The following KLHL11 variants were observed in gnomAD, a reference collection of about 807,000 sequenced individuals.
KLHL11 encodes kelch like family member 11.
KLHL11 carries 26 observed loss-of-function variants against 56.1 expected under a neutral mutation model. The observed-to-expected ratio is 0.46, with a 90% CI of 0.34 to 0.64. The LOEUF is 0.64. Ranked by LOEUF, KLHL11 falls within the 30% of genes least tolerant of loss-of-function variation. KLHL11 has a pLI of 0.01. For synonymous variants in KLHL11, 338 were observed against 345.8 expected (o/e 0.98, Z 0.25); for missense variants, 627 against 919.4 (o/e 0.68, Z 4.11).
intron 1 of KLHL11, among the ~76,000 whole-genome samples, chr17:41,862,497 G>C (rs1478819018): frequency 6.6e-6 from 1 of 150,504 alleles, no homozygotes; most frequent in Non-Finnish European, 1.5e-5. Flanking sequence ...AGCTAGGATA[G>C]TCTCGATCTC....
rs1282483974 is a variant in KLHL11, at chr17:41,863,402, G to A, written c.545+1424C>T. Among the ~76,000 whole-genome samples, 2 of 151,936 alleles carry A rather than the reference G, an allele frequency of 1.3e-5. 1 individual carries two copies. The highest frequency in any genetic ancestry group is 4.2e-4 in the South Asian group (2 of 4,816). ...GTAGAGACAGGGGTTTCACAATGTT[G>A]GCCAGGCTGGTCTCGAACTCCTGAC... On this transcript the variant is annotated intron_variant, in intron 1 of 1. Transcript: ENST00000319121.
At chr17:41,856,413 G>T (rs1192664079) in intron 1 of KLHL11, among the ~76,000 whole-genome samples, 2 of 152,058 alleles carry the variant, frequency 1.3e-5, no homozygotes, top group Non-Finnish European at 2.9e-5. Context: ...AAGTGTTTGG[G>T]ATTACAGGTG....
chr17:41,862,416 G>A (rs1180291627), intron 1 of KLHL11, among the ~76,000 whole-genome samples: 3 of 150,304 alleles, frequency 2.0e-5, no homozygotes, highest in Non-Finnish European at 4.4e-5. Flanking sequence ...GGGACTACAG[G>A]CACCCGCCAC....
intron 1 of KLHL11, among the ~76,000 whole-genome samples, chr17:41,857,150 C>A (rs750692452): frequency 7.2e-5 from 11 of 151,840 alleles, no homozygotes; most frequent in Non-Finnish European, 7.4e-5. Context: ...AAGCTATAAT[C>A]GTGCCTGTGA....
In KLHL11 at chr17:41,852,867, C is replaced by A. The variant is rs998240793; in HGVS notation, c.*873G>T. ...AATTAAAATGGAAGGCATTGAGTGT[C>A]GATTGTCATAGGCATTATTTACACT... On this transcript the variant is annotated 3_prime_UTR_variant, in exon 2 of 2. Coordinates refer to ENST00000319121, the MANE Select transcript of KLHL11 (RefSeq NM_018143.3). Among the ~76,000 whole-genome samples, 5 of 151,736 alleles carry A rather than the reference C, an allele frequency of 3.3e-5. No homozygotes were observed. Among genetic ancestry groups the A allele is most frequent in the Non-Finnish European group, 5.9e-5 (4 of 67,980 alleles).
chr17:41,858,414 G>T (rs1428299762), intron 1 of KLHL11, among the ~76,000 whole-genome samples: 9 of 103,008 alleles, frequency 8.7e-5, no homozygotes, highest in African/African-American at 2.6e-4. Context: ...ATTTTTTGTT[G>T]TTGTTGTTGT....
At chr17:41,861,818 C>T (rs2048405285) in intron 1 of KLHL11, among the ~76,000 whole-genome samples, 7 of 152,094 alleles carry the variant, frequency 4.6e-5, no homozygotes, top group Admixed American at 3.9e-4. Flanking sequence ...CAATTATTCC[C>T]CTGCTCCTGT....
At position 41,855,236 on chromosome 17, in the gene KLHL11, A is replaced by G; in HGVS notation, c.631T>C (p.Leu211=). The change falls in exon 2 of 2, where the codon TTA becomes CTA. Residue 211 remains leucine (L), a synonymous_variant. Coordinates refer to ENST00000319121, the MANE Select transcript of KLHL11 (RefSeq NM_018143.3). ...HLSNCVAIHS[L]AHMYTLSQLA... is the part of the protein sequence containing the mutation. ...TGGCTCAGGGTGTACATGTGTGCTA[A>G]GCTATGAATTGCCACACAATTTGAG... is the stretch of plus-strand genomic sequence containing the variant. 6.2e-7 allele frequency: 1 copy of G among 1,612,698 alleles called. No individual in the cohort carries two copies. Among genetic ancestry groups the G allele is most frequent in the Admixed American group, 1.7e-5 (1 of 59,860 alleles).
Position 41,864,877 on chromosome 17 carries a change from C to A in KLHL11, c.494G>T (p.Arg165Leu). 1 of 1,576,900 alleles carries A rather than the reference C, an allele frequency of 6.3e-7. No homozygotes were observed. The highest frequency in any genetic ancestry group is 8.6e-7 in the Non-Finnish European group (1 of 1,159,520). ...EAVIEYMYTG[R>L]IRVSTGSVHE... ...CACGCTGCCCGTGCTGACGCGGATG[C>A]GCCCGGTGTACATGTACTCGATTAC... Residue 165 changes from arginine (R) to leucine (L), a missense_variant, in exon 1 of 2, where the codon CGC becomes CTC. Around this residue, in one of 4 missense-constraint regions of KLHL11, gnomAD observed 150 missense variants for 215.7 expected, o/e 0.70. Transcript: ENST00000319121.
In KLHL11 at chr17:41,854,930, C is replaced by A. The variant is rs951556396; in HGVS notation, c.937G>T (p.Ala313Ser). The change falls in exon 2 of 2, where the codon GCC becomes TCC. Residue 313 changes from alanine (A) to serine (S), a missense_variant. Ala to Ser is a moderately conservative substitution (Grantham distance 99). This residue lies in a region of KLHL11 where 106 missense variants were observed against 227.0 expected (regional missense o/e 0.47). Coordinates refer to ENST00000319121, the MANE Select transcript of KLHL11 (RefSeq NM_018143.3). The surrounding 1 kb of genome is among the most constrained non-coding windows in gnomAD (Gnocchi z 4.9). ...TRHVKPERLV[A>S]NNEVCVKLVA... ...AACTTGACACAAACTTCATTATTGG[C>A]TACCAGCCTCTCTGGTTTGACATGT... The A allele has an allele frequency of 3.7e-6, 6 of 1,614,252 alleles. No individual in the cohort carries two copies. Among genetic ancestry groups the A allele is most frequent in the Non-Finnish European group, 5.1e-6 (6 of 1,180,048 alleles).
rs1485564941 is a variant in KLHL11 at position 41,852,259 on chromosome 17, C to T, written c.*1481G>A. 6.6e-6 allele frequency among the ~76,000 whole-genome samples: 1 copy of T among 151,916 alleles called. No individual in the cohort carries two copies. Among genetic ancestry groups the T allele is most frequent in the Non-Finnish European group, 1.5e-5 (1 of 67,986 alleles). On this transcript the variant is annotated 3_prime_UTR_variant, in exon 2 of 2. Transcript: ENST00000319121. ...CTTGAACTCTTGGGCTCAAAATCTG[C>T]CCACCTCAGCCTCCTCCAAAGTGTT...
intron 1 of KLHL11, among the ~76,000 whole-genome samples, chr17:41,857,454 C>G (rs1387173788): frequency 6.6e-6 from 1 of 151,062 alleles, no homozygotes; most frequent in Non-Finnish European, 1.5e-5. Context: ...TTGCAGTGAG[C>G]CAGGATCGCA....
rs781841835 is a variant in KLHL11, at chr17:41,854,642, C to T, written c.1225G>A (p.Val409Met). ...GHAVAVTESYVYVAGSMEPGF... is the reference protein window; with the variant it reads ...GHAVAVTESYMYVAGSMEPGF... Reference sequence around the variant, plus strand: ...GGCTCCATTGATCCAGCAACATACACGTAGGATTCTGTTACTGCAACAGCA... The same window carrying T: ...GGCTCCATTGATCCAGCAACATACATGTAGGATTCTGTTACTGCAACAGCA... The change falls in exon 2 of 2, where the codon GTG (valine) becomes ATG (methionine). Residue 409 changes from valine to methionine, a missense_variant. By Grantham distance (21) the Val-to-Met change is conservative. Transcript: ENST00000319121. The surrounding 1 kb of genome is among the most constrained non-coding windows in gnomAD (Gnocchi z 4.9). The T allele has an allele frequency of 3.1e-6, 5 of 1,614,154 alleles. No individual in the cohort carries two copies. Among genetic ancestry groups the T allele is most frequent in the Admixed American group, 1.7e-5 (1 of 60,022 alleles).
In KLHL11 at chr17:41,852,487, T is replaced by A. The variant is rs1462060491; in HGVS notation, c.*1253A>T. ...TCCTTCCCATTTTGGAAAAAAACAGTTTCTTGTAGAAAAGAATAATGGACT... is the reference window on the plus strand; with the variant it reads ...TCCTTCCCATTTTGGAAAAAAACAGATTCTTGTAGAAAAGAATAATGGACT... On this transcript the variant is annotated 3_prime_UTR_variant, in exon 2 of 2. Coordinates refer to ENST00000319121, the MANE Select transcript of KLHL11 (RefSeq NM_018143.3). Among the ~76,000 whole-genome samples, 1 of 151,950 alleles carries A rather than the reference T, an allele frequency of 6.6e-6. No individual in the cohort carries two copies. Among genetic ancestry groups the A allele is most frequent in the Non-Finnish European group, 1.5e-5 (1 of 67,980 alleles).
chr17:41,853,646 A>T lies in KLHL11; in HGVS notation c.*94T>A. On this transcript the variant is annotated 3_prime_UTR_variant, in exon 2 of 2. Transcript: ENST00000319121. ...GGGTAATAATCAGTTCATGTAGAAA[A>T]TAAGTTATCGACATACTTTTTTAAA... 1 of 1,427,918 alleles carries T rather than the reference A, an allele frequency of 7.0e-7. No homozygotes were observed. Among genetic ancestry groups the T allele is most frequent in the Non-Finnish European group, 9.4e-7 (1 of 1,063,956 alleles). 88.5% of individuals were successfully genotyped at this position (1,427,918 alleles called of 1,614,324 possible).
chr17:41,864,990 C>T lies in KLHL11; in HGVS notation c.381G>A (p.Ser127=), dbSNP rs1555623392. ...CCGAGCGGGACTCGGAAAACTGGCC[C>T]GAGAGCAGGGGCGTGAAGTACTCGG... ...AATEYFTPLL[S]GQFSESRSGR... Residue 127 remains serine (S), a synonymous_variant, in exon 1 of 2, where the codon TCG becomes TCA. Coordinates refer to ENST00000319121, the MANE Select transcript of KLHL11 (RefSeq NM_018143.3). 7.5e-6 allele frequency: 12 copies of T among 1,609,458 alleles called. No individual in the cohort carries two copies. Among genetic ancestry groups the T allele is most frequent in the East Asian group, 2.2e-5 (1 of 44,714 alleles).
chr17:41,859,608 GC>G (rs1367859477), intron 1 of KLHL11, among the ~76,000 whole-genome samples: 1 of 151,940 alleles, frequency 6.6e-6, no homozygotes, highest in Non-Finnish European at 1.5e-5. Context: ...AATTAGCTGG[GC>G]GTGGTGGCGT....
rs2048435500 is a variant in KLHL11, at chr17:41,865,326, A to AGCCGCGGCC, written c.36_44dup (p.Ala14_Ala16dup). The AGCCGCGGCC allele has an allele frequency of 1.2e-5, 18 of 1,455,898 alleles. No individual in the cohort carries two copies. The highest frequency in any genetic ancestry group is 1.5e-5 in the Non-Finnish European group (17 of 1,118,076). 90.2% of individuals were successfully genotyped at this position (1,455,898 alleles called of 1,614,324 possible). A position where few individuals can be genotyped will look rare whatever the true frequency, so the allele number is the denominator to read the frequency against. ...CCATCTCCAGTACCTGAAGAGATGC[A>AGCCGCGGCC]GCCGCGGCCGCCGCCGCCGCCGCCG... On this transcript the variant is annotated inframe_insertion, in exon 1 of 2. Transcript: ENST00000319121.
rs782799326 is a variant in KLHL11 at position 41,855,186 on chromosome 17, C to T, written c.681G>A (p.Met227Ile). 4 of 1,614,124 alleles carry T rather than the reference C, an allele frequency of 2.5e-6. No homozygotes were observed. The highest frequency in any genetic ancestry group is 2.2e-5 in the East Asian group (1 of 44,884). ...TCACTTTGTGGAAATTTCTCCGTAT[C>T]ATATCAGCAGCCTTCAGAGCAAGTT... ...LSQLALKAAD[M>I]IRRNFHKVIQ... The change falls in exon 2 of 2, where the codon ATG (methionine) becomes ATA (isoleucine). Residue 227 changes from methionine (M) to isoleucine (I), a missense_variant. Physicochemically the swap from Met to Ile is conservative, Grantham distance 10 (BLOSUM62 1). Around this residue, in one of 4 missense-constraint regions of KLHL11, gnomAD observed 150 missense variants for 215.7 expected, o/e 0.70. Transcript: ENST00000319121.
Sources: allele counts gnomAD v4.1 joint callset (sites outside exome capture counted in the v4.1 genomes callset), GRCh38; gene constraint gnomAD v4.1.1; regional missense constraint gnomAD v4.1.1; non-coding constraint Gnocchi (gnomAD v3.1); transcripts MANE v1.5; gene names NCBI Gene and HGNC (gene_info 2026-07-23, HGNC 2026-07-21).